Variants in ZNF121 observed in about 807,000 individuals in gnomAD.
ZNF121 encodes zinc finger protein 121 (clone ZHC32).
ZNF121 carries 1 observed loss-of-function variant against 2.4 expected under a neutral mutation model. The observed-to-expected ratio is 0.41, with a 90% CI of 0.15 to 1.94. ZNF121 has a LOEUF of 1.94. Ranked by LOEUF, ZNF121 falls within the 30% of genes most tolerant of loss-of-function variation. The pLI, the probability that ZNF121 is intolerant of heterozygous loss-of-function variation, is 0.30. For missense variants in ZNF121, 369 were observed against 466.3 expected, an observed-to-expected ratio of 0.79 and a Z score of 1.92; for synonymous variants, 173 against 158.6, an observed-to-expected ratio of 1.09 and a Z score of -0.68.
In ZNF121 at chr19:9,577,931, G is replaced by A. The variant is rs142441035; in HGVS notation, c.-160+6530C>T. On this transcript the variant is annotated intron_variant, in intron 1 of 3. Coordinates refer to ENST00000320451, the MANE Select transcript of ZNF121 (RefSeq NM_001008727.5). ...CTGTGGGCCGGGCGTGGTGGCTCAC[G>A]CCTGTAATCCCAGCACTCTGGGAGG... 2.7e-3 allele frequency among the ~76,000 whole-genome samples: 402 copies of A among 151,222 alleles called. 2 individuals are homozygous for A. Among genetic ancestry groups the A allele is most frequent in the African/African-American group, 9.1e-3 (376 of 41,192 alleles).
intron 1 of ZNF121, among the ~76,000 whole-genome samples, chr19:9,575,984 A>T (rs768348230): frequency 6.6e-6 from 1 of 152,180 alleles, no homozygotes; most frequent in East Asian, 1.9e-4. Flanking sequence ...AACACAGAAG[A>T]AGTTAAGCAA....
intron 3 of ZNF121, 39 bp downstream of exon 3, chr19:9,568,056 C>G (rs754946409): frequency 3.9e-6 from 6 of 1,532,224 alleles, no homozygotes; most frequent in Non-Finnish European, 8.8e-7. Context: ...GAATCCCAAT[C>G]TTTTTTTGAG....
intron 1 of ZNF121, among the ~76,000 whole-genome samples, chr19:9,578,961 A>G (rs1402121090): frequency 6.6e-6 from 1 of 150,838 alleles, no homozygotes; most frequent in Non-Finnish European, 1.5e-5. Flanking sequence ...CAAAATATAT[A>G]AGGAACTCAA....
At chr19:9,569,107 A>G (rs1031716163) in intron 1 of ZNF121, 25 bp from the exon 2 acceptor site, 9 of 153,368 alleles carry the variant, frequency 5.9e-5, no homozygotes, top group African/African-American at 2.2e-4. Context: ...AGATACATCA[A>G]TGGAAGAGGC....
intron 1 of ZNF121, 41 bp downstream of exon 1, chr19:9,584,420 C>G (rs2074270738): frequency 6.6e-6 from 1 of 152,374 alleles, no homozygotes; most frequent in South Asian, 2.1e-4. Context: ...TCCTTTGCCG[C>G]CCCCCGCTAT....
chr19:9,581,227 G>A (rs754955093), intron 1 of ZNF121, among the ~76,000 whole-genome samples: 7 of 152,154 alleles, frequency 4.6e-5, no homozygotes, highest in Non-Finnish European at 8.8e-5. Context: ...GTGCAGAGGG[G>A]TGCCTCCTTG....
At position 9,568,245 on chromosome 19, in the gene ZNF121, A is replaced by C. The variant is rs2074148346; in HGVS notation, c.-78-70T>G. ...CAAAACAGTAGGTTAAATAAGTCAG[A>C]ATTATAAAGCTCATTTTTATTTGTC... On this transcript the variant is annotated intron_variant, in intron 2 of 3. Coordinates refer to ENST00000320451, the MANE Select transcript of ZNF121 (RefSeq NM_001008727.5). 5 of 660,436 alleles carry C rather than the reference A, an allele frequency of 7.6e-6. No individual in the cohort carries two copies. In the South Asian group the frequency reaches 1.6e-4, roughly 21 times the overall value. 40.9% of individuals were successfully genotyped at this position (660,436 alleles called of 1,614,324 possible).
rs567779253 is a variant in ZNF121 at position 9,567,470 on chromosome 19, C to G, written c.4-361G>C. Among the ~76,000 whole-genome samples, 23 of 152,220 alleles carry G rather than the reference C, an allele frequency of 1.5e-4. No homozygotes were observed. The South Asian group carries it at 4.8e-3, about 32-fold the overall frequency. ...TAGAGTATCCCTCTAGAGCAGAGGT[C>G]CCCAACCTTTTTGCTACCAGAGACT... On this transcript the variant is annotated intron_variant, in intron 3 of 3. Transcript: ENST00000320451.
rs934820501 is a variant in ZNF121 at position 9,584,458 on chromosome 19, C to T, written c.-160+3G>A. On this transcript the variant is annotated splice_donor_region_variant and intron_variant, in intron 1 of 3. Coordinates refer to ENST00000320451, the MANE Select transcript of ZNF121 (RefSeq NM_001008727.5). The stretch of plus-strand genomic sequence containing the variant: ...CCGGGATCCCCAAGCAGGCGGAACT[C>T]ACCACAGCCAGGGTGGACTCCACCA... The T allele has an allele frequency of 6.6e-6, 1 of 152,378 alleles. No homozygotes were observed. The highest frequency in any genetic ancestry group is 2.4e-5 in the African/African-American group (1 of 41,460). 9.4% of individuals were successfully genotyped at this position (152,378 alleles called of 1,614,324 possible).
chr19:9,580,341 T>C (rs778832014), intron 1 of ZNF121, among the ~76,000 whole-genome samples: 48 of 151,340 alleles, frequency 3.2e-4, no homozygotes, highest in Non-Finnish European at 6.2e-4. Flanking sequence ...GTCTGGATCA[T>C]GTAAAGACAT....
At chr19:9,575,935 G>T (rs965205738) in intron 1 of ZNF121, among the ~76,000 whole-genome samples, 1 of 151,908 alleles carries the variant, frequency 6.6e-6, no homozygotes, top group Non-Finnish European at 1.5e-5. Context: ...CCCCACTCTC[G>T]GTAATGGACA....
Position 9,566,753 on chromosome 19 carries a change from T to C in ZNF121, c.360A>G (p.Gln120=), listed in dbSNP as rs1475188385. The C allele has an allele frequency of 6.8e-6, 11 of 1,614,218 alleles. No individual in the cohort carries two copies. Among genetic ancestry groups the C allele is most frequent in the South Asian group, 6.6e-5 (6 of 91,084 alleles). Residue 120 remains glutamine (Q), a synonymous_variant, in exon 4 of 4, where the codon CAA becomes CAG. Transcript: ENST00000320451. ...TGGAGTAAGTAAAAGCTCTCCCACA[T>C]TGCTTCTGTTCATAGAGTGTTTCTC... ...HNGETLYEQK[Q]CGRAFTYSTS... is the part of the protein sequence containing the mutation.
At chr19:9,574,326 T>C (rs2074195312) in intron 1 of ZNF121, among the ~76,000 whole-genome samples, 1 of 152,092 alleles carries the variant, frequency 6.6e-6, no homozygotes, top group African/African-American at 2.4e-5. Context: ...TTTGTATTTT[T>C]TGTTTTTTTA....
intron 1 of ZNF121, among the ~76,000 whole-genome samples, chr19:9,573,588 A>G (rs12461537): frequency 0.17 from 26,300 of 152,142 alleles, 3,611 homozygotes; most frequent in African/African-American, 0.38. Flanking sequence ...TGAAAGCTTT[A>G]TTAAGGAAAT....
rs753972854 is a variant in ZNF121, at chr19:9,566,266, G to A, written c.847C>T (p.Pro283Ser). ...NHFRIHTGIK[P>S]YKCKECGKAF... ...TTCCCACACTCCTTACATTTATAGG[G>A]TTTTATTCCAGTGTGAATTCTAAAG... The change falls in exon 4 of 4, where the codon CCC becomes TCC. Residue 283 changes from proline (P) to serine (S), a missense_variant. Pro to Ser is a moderately conservative substitution (Grantham distance 74). Transcript: ENST00000320451. 6.2e-7 allele frequency: 1 copy of A among 1,614,128 alleles called. No individual in the cohort carries two copies. The highest frequency in any genetic ancestry group is 1.1e-5 in the South Asian group (1 of 91,074).
chr19:9,576,179 A>C (rs1009276968), intron 1 of ZNF121, among the ~76,000 whole-genome samples: 1 of 152,190 alleles, frequency 6.6e-6, no homozygotes, highest in Admixed American at 6.5e-5. Context: ...GAATAAAACT[A>C]GAAATCACTA....
At position 9,568,107 on chromosome 19, in the gene ZNF121, G is replaced by C. The variant is rs771431282; in HGVS notation, c.-10C>G. On this transcript the variant is annotated 5_prime_UTR_variant, in exon 3 of 4. Transcript: ENST00000320451. ...ATCTTAATCTTACCATTTGTATGCC[G>C]TTTGATGTTTTGTTAAGCCAAAAAA... is the stretch of plus-strand genomic sequence containing the variant. 1.3e-6 allele frequency: 2 copies of C among 1,541,010 alleles called. No homozygotes were observed. Among genetic ancestry groups the C allele is most frequent in the Non-Finnish European group, 1.8e-6 (2 of 1,130,568 alleles).
intron 1 of ZNF121, among the ~76,000 whole-genome samples, chr19:9,570,013 T>C (rs887764583): frequency 6.6e-6 from 1 of 151,762 alleles, no homozygotes; most frequent in Non-Finnish European, 1.5e-5. Context: ...CTTCGCTCAC[T>C]ACAACCTCTG....
chr19:9,567,455 C>T (rs1380529148), intron 3 of ZNF121, among the ~76,000 whole-genome samples: 1 of 152,074 alleles, frequency 6.6e-6, no homozygotes, highest in Non-Finnish European at 1.5e-5. Context: ...TAGAGTATCC[C>T]TCTAGAGCAG....
Sources: allele counts gnomAD v4.1 joint callset (sites outside exome capture counted in the v4.1 genomes callset), GRCh38; gene constraint gnomAD v4.1.1; transcripts MANE v1.5; gene names NCBI Gene and HGNC (gene_info 2026-07-23, HGNC 2026-07-21).